The following EXOC6 variants were observed in gnomAD, a reference collection of about 807,000 sequenced individuals.
EXOC6 encodes the protein SEC15-like 1.
Under a neutral mutation model 112.5 loss-of-function variants are expected in EXOC6, and 60 were observed. The ratio of observed to expected loss-of-function variants is 0.53; its 90% confidence interval spans 0.43 to 0.66. EXOC6 has a LOEUF of 0.66. Ranked by LOEUF, EXOC6 falls within the 30% of genes least tolerant of loss-of-function variation. The probability of loss-of-function intolerance (pLI) is 0.00; values close to 1 mark genes in which losing one functional copy is unlikely to be tolerated. For synonymous variants in EXOC6, 295 were observed against 308.0 expected (o/e 0.96, Z 0.44); for missense variants, 855 against 957.1 (o/e 0.89, Z 1.41).
intron 13 of EXOC6, among the ~76,000 whole-genome samples, chr10:92,943,617 A>G (rs1369833478): frequency 6.6e-6 from 1 of 151,870 alleles, no homozygotes; most frequent in Non-Finnish European, 1.5e-5. Context: ...AATTTTATAG[A>G]TTTATGAGGT....
intron 1 of EXOC6, among the ~76,000 whole-genome samples, chr10:92,857,247 G>A (rs1847649236): frequency 1.3e-5 from 2 of 150,430 alleles, no homozygotes. Flanking sequence ...ATTTTAATTA[G>A]TGATTTTTTG....
chr10:93,055,696 G>A (rs1846505367), intron 20 of EXOC6, among the ~76,000 whole-genome samples: 1 of 36,492 alleles, frequency 2.7e-5, no homozygotes. Flanking sequence ...TTCTATCCTA[G>A]TGTTTCAACT....
At chr10:93,023,528 A>G (rs1275404947) in intron 20 of EXOC6, among the ~76,000 whole-genome samples, 1 of 152,202 alleles carries the variant, frequency 6.6e-6, no homozygotes, top group African/African-American at 2.4e-5. Flanking sequence ...CTGGTGCCAC[A>G]TTATGTGAAT....
intron 18 of EXOC6, among the ~76,000 whole-genome samples, chr10:92,988,800 TACACACACACACACACACACAC>T (rs67242778): frequency 7.7e-5 from 11 of 143,090 alleles, no homozygotes; most frequent in African/African-American, 1.8e-4. Context: ...CTACAAAAAA[TACACACACACACACACACACAC>T]ACACACACAC....
Position 92,928,346 on chromosome 10 carries a change from A to G in EXOC6, c.896A>G (p.Glu299Gly). 1.2e-6 allele frequency: 2 copies of G among 1,604,702 alleles called. No homozygotes were observed. The highest frequency in any genetic ancestry group is 1.7e-6 in the Non-Finnish European group (2 of 1,173,520). ...CTGCTGATTTTATTTTAGGGTGACG[A>G]GGAAACATTTGAAAACTATTATCGA... Reference protein sequence around the residue: ...CLHIYSVLGDEETFENYYRKQ... With the variant: ...CLHIYSVLGDGETFENYYRKQ... The change falls in exon 9 of 22, where the codon GAG becomes GGG. Residue 299 changes from glutamate to glycine, a missense_variant. Physicochemically the swap from Glu to Gly is moderately conservative, Grantham distance 98 (BLOSUM62 -2). Around this residue, in one of 2 missense-constraint regions of EXOC6, gnomAD observed 405 missense variants for 393.6 expected, o/e 1.03. Coordinates refer to ENST00000260762, the MANE Select transcript of EXOC6 (RefSeq NM_019053.6).
chr10:92,983,290 T>A (rs115906359), intron 18 of EXOC6, among the ~76,000 whole-genome samples: 8 of 152,202 alleles, frequency 5.3e-5, no homozygotes, highest in Admixed American at 5.2e-4. Context: ...GACCCTCTCC[T>A]TTCCCTTTCC....
intron 1 of EXOC6, among the ~76,000 whole-genome samples, chr10:92,840,802 T>C (rs1467776918): frequency 6.6e-6 from 1 of 151,900 alleles, no homozygotes; most frequent in Non-Finnish European, 1.5e-5. Flanking sequence ...GAACCACAGG[T>C]GTGTGCCACC....
intron 8 of EXOC6, among the ~76,000 whole-genome samples, chr10:92,923,887 G>A (rs1851572528): frequency 6.6e-6 from 1 of 152,102 alleles, no homozygotes; most frequent in South Asian, 2.1e-4. Flanking sequence ...TACTACCATG[G>A]TGCATTGTCT....
intron 1 of EXOC6, among the ~76,000 whole-genome samples, chr10:92,877,142 C>T (rs1290502692): frequency 6.6e-6 from 1 of 152,158 alleles, no homozygotes; most frequent in East Asian, 1.9e-4. Context: ...CTTCTTTGTG[C>T]AGGAGCTTAA....
At chr10:92,857,774 G>A (rs1382242402) in intron 1 of EXOC6, among the ~76,000 whole-genome samples, 1 of 64,814 alleles carries the variant, frequency 1.5e-5, no homozygotes, top group Non-Finnish European at 2.5e-5. Flanking sequence ...ACCTTTACTG[G>A]TGTTCTTTGT....
chr10:93,033,826 T>C (rs1845385462), intron 20 of EXOC6, among the ~76,000 whole-genome samples: 2 of 152,160 alleles, frequency 1.3e-5, no homozygotes, highest in South Asian at 4.1e-4. Flanking sequence ...AGCCAGACTA[T>C]TGGAGAGATA....
chr10:92,888,930 G>A (rs1849363116), intron 1 of EXOC6, among the ~76,000 whole-genome samples: 1 of 152,166 alleles, frequency 6.6e-6, no homozygotes, highest in Non-Finnish European at 1.5e-5. Flanking sequence ...GCTATGTTGA[G>A]CAAGTCATTT....
chr10:92,935,725 T>C lies in EXOC6; in HGVS notation c.1141-89T>C, dbSNP rs1852302185. The C allele has an allele frequency of 7.5e-6, 7 of 937,826 alleles. No homozygotes were observed. In the South Asian group the frequency reaches 1.0e-4, roughly 14 times the overall value. 58.1% of individuals were successfully genotyped at this position (937,826 alleles called of 1,614,324 possible). The stretch of plus-strand genomic sequence containing the variant: ...AAGTCTGGCAGATTAAAAGAAACAT[T>C]ATCAATTTCTTATTTCTTAGTTTTT... On this transcript the variant is annotated intron_variant, in intron 11 of 21. Coordinates refer to ENST00000260762, the MANE Select transcript of EXOC6 (RefSeq NM_019053.6).
At chr10:92,910,141 T>C (rs1198464010) in intron 6 of EXOC6, among the ~76,000 whole-genome samples, 2 of 152,210 alleles carry the variant, frequency 1.3e-5, no homozygotes, top group Non-Finnish European at 2.9e-5. Flanking sequence ...CCTAGGTGTT[T>C]ATCAGTGAGA....
chr10:93,003,043 A>G (rs1349622080), intron 19 of EXOC6, among the ~76,000 whole-genome samples: 6 of 152,180 alleles, frequency 3.9e-5, no homozygotes, highest in African/African-American at 1.2e-4. Flanking sequence ...ATGCTGGGCA[A>G]CTCAGAAAAG....
In EXOC6 at chr10:93,041,960, C is replaced by T. The variant is rs186058042; in HGVS notation, c.2170-14964C>T. On this transcript the variant is annotated intron_variant, in intron 20 of 21. Coordinates refer to ENST00000260762, the MANE Select transcript of EXOC6 (RefSeq NM_019053.6). ...TGCTGATCTCAAGTGATCCACACCC[C>T]TCAGCCTGTCAAAGTGCTGGTATTA... Among the ~76,000 whole-genome samples, 194 of 152,358 alleles carry T rather than the reference C, an allele frequency of 1.3e-3. 1 individual carries two copies. Among genetic ancestry groups the T allele is most frequent in the Admixed American group, 0.011 (174 of 15,310 alleles).
At chr10:93,031,255 TA>T (rs11393662) in intron 20 of EXOC6, among the ~76,000 whole-genome samples, 18 of 151,274 alleles carry the variant, frequency 1.2e-4, no homozygotes, top group African/African-American at 3.4e-4. Flanking sequence ...AAGAATACTT[TA>T]AAAAAAAAGT....
At chr10:92,898,251 T>C (rs1849933614) in intron 4 of EXOC6, among the ~76,000 whole-genome samples, 1 of 128,784 alleles carries the variant, frequency 7.8e-6, no homozygotes, top group Admixed American at 8.6e-5. Context: ...AGTCCCTGTC[T>C]CTACAGAAAA....
chr10:92,883,931 C>G (rs1052779007), intron 1 of EXOC6, among the ~76,000 whole-genome samples: 1 of 151,840 alleles, frequency 6.6e-6, no homozygotes, highest in Admixed American at 6.6e-5. Context: ...GAGTCTTGCT[C>G]TGTTGCCCAG....
Sources: allele counts gnomAD v4.1 joint callset (sites outside exome capture counted in the v4.1 genomes callset), GRCh38; gene constraint gnomAD v4.1.1; regional missense constraint gnomAD v4.1.1; transcripts MANE v1.5; gene names NCBI Gene and HGNC (gene_info 2026-07-23, HGNC 2026-07-21).